The following INPP5A variants were observed in gnomAD, a reference collection of about 807,000 sequenced individuals.
INPP5A encodes the protein inositol polyphosphate-5-phosphatase A.
INPP5A carries 14 observed loss-of-function variants against 65.2 expected under a neutral mutation model. That is an observed-to-expected ratio of 0.21 (90% confidence interval 0.14 to 0.34). The LOEUF (loss-of-function observed/expected upper bound fraction) is 0.34. Ranked by LOEUF, INPP5A falls within the 10% of genes least tolerant of loss-of-function variation. The probability of loss-of-function intolerance (pLI) is 1.00; values close to 1 mark genes in which losing one functional copy is unlikely to be tolerated. For synonymous variants in INPP5A, 207 were observed against 208.3 expected, an observed-to-expected ratio of 0.99 and a Z score of 0.05; for missense variants, 431 against 545.6, an observed-to-expected ratio of 0.79 and a Z score of 2.09.
At chr10:132,748,416 C>T (rs1415020081) in intron 9 of INPP5A, among the ~76,000 whole-genome samples, 1 of 152,206 alleles carries the variant, frequency 6.6e-6, no homozygotes, top group Non-Finnish European at 1.5e-5. Flanking sequence ...TCACACTTCC[C>T]TTGTTCGGTG....
At position 132,549,772 on chromosome 10, in the gene INPP5A, C is replaced by T. The variant is rs1487853859; in HGVS notation, c.75+11601C>T. Among the ~76,000 whole-genome samples, 2 of 152,254 alleles carry T rather than the reference C, an allele frequency of 1.3e-5. No individual in the cohort carries two copies. The highest frequency in any genetic ancestry group is 1.5e-5 in the Non-Finnish European group (1 of 68,050). ...CCTGGGTTCCTGCAGCCCCCACTCT[C>T]TGCCCCTGGTCTGAATGGTGGGGTT... On this transcript the variant is annotated intron_variant, in intron 1 of 15. Transcript: ENST00000368594. The surrounding 1 kb of genome is among the most constrained non-coding windows in gnomAD (Gnocchi z 4.9).
At chr10:132,581,288 G>C (rs1039415839) in intron 1 of INPP5A, among the ~76,000 whole-genome samples, 2 of 152,128 alleles carry the variant, frequency 1.3e-5, no homozygotes, top group Non-Finnish European at 2.9e-5. Flanking sequence ...GGAGTTTCCT[G>C]TCCGGCCTCA....
intron 13 of INPP5A, 34 bp downstream of exon 13, chr10:132,777,816 G>A (rs772317369): frequency 6.2e-7 from 1 of 1,605,636 alleles, no homozygotes; most frequent in South Asian, 1.1e-5. Flanking sequence ...TGGGCACAGA[G>A]GGATGTGGAG....
intron 11 of INPP5A, among the ~76,000 whole-genome samples, chr10:132,758,118 G>A (rs1389360222): frequency 6.2e-5 from 8 of 129,350 alleles, no homozygotes; most frequent in African/African-American, 2.4e-4. Context: ...TGGGTCCCCG[G>A]CCGACCCCAC....
intron 12 of INPP5A, among the ~76,000 whole-genome samples, chr10:132,769,669 G>C (rs945280359): frequency 3.9e-5 from 6 of 152,212 alleles, no homozygotes; most frequent in African/African-American, 9.7e-5. Flanking sequence ...TCAGCCCTTA[G>C]TGGTGAGCAG....
Position 132,675,174 on chromosome 10 carries a change from A to G in INPP5A, c.307-15218A>G, listed in dbSNP as rs922917309. Among the ~76,000 whole-genome samples, 2 of 152,156 alleles carry G rather than the reference A, an allele frequency of 1.3e-5. No individual in the cohort carries two copies. Among genetic ancestry groups the G allele is most frequent in the African/African-American group, 4.8e-5 (2 of 41,412 alleles). On this transcript the variant is annotated intron_variant, in intron 4 of 15. Transcript: ENST00000368594. This position sits in a 1 kb window ranked among gnomAD's most constrained non-coding sequence, Gnocchi z 4.2. ...ATAACAAATCAAGAAAACCATAGAG[A>G]GCATAGGGGTGTGCCGCAGTCACAC...
intron 1 of INPP5A, among the ~76,000 whole-genome samples, chr10:132,572,249 T>G (rs1200427311): frequency 5.3e-5 from 8 of 152,188 alleles, no homozygotes; most frequent in Non-Finnish European, 8.8e-5. Flanking sequence ...GGGGGGGCCT[T>G]CAGAAGAATG....
chr10:132,553,234 A>C (rs1262780903), intron 1 of INPP5A, among the ~76,000 whole-genome samples: 4 of 83,832 alleles, frequency 4.8e-5, no homozygotes, highest in Admixed American at 3.3e-4. Flanking sequence ...GCCTTGGTGG[A>C]ATATTGGGTA....
chr10:132,683,715 T>C (rs552152880), intron 4 of INPP5A, among the ~76,000 whole-genome samples: 2 of 147,936 alleles, frequency 1.4e-5, no homozygotes, highest in East Asian at 3.9e-4. Context: ...ACAGGGTTTT[T>C]TGTTTGTTTG....
intron 4 of INPP5A, among the ~76,000 whole-genome samples, chr10:132,683,431 G>T (rs1056357006): frequency 6.6e-6 from 1 of 152,166 alleles, no homozygotes; most frequent in Admixed American, 6.5e-5. Context: ...TGTCTGCGGT[G>T]ACACAGCAAG....
chr10:132,725,134 G>A (rs1845963546), intron 8 of INPP5A, among the ~76,000 whole-genome samples: 1 of 152,270 alleles, frequency 6.6e-6, no homozygotes, highest in Non-Finnish European at 1.5e-5. Context: ...AAAGAGAACA[G>A]CAGGCTGTGA....
rs1164934586 is a variant in INPP5A at position 132,678,826 on chromosome 10, CT to C, written c.307-11565del. Among the ~76,000 whole-genome samples the C allele has an allele frequency of 6.6e-6, 1 of 152,204 alleles. No individual in the cohort carries two copies. Among genetic ancestry groups the C allele is most frequent in the Non-Finnish European group, 1.5e-5 (1 of 68,040 alleles). The stretch of plus-strand genomic sequence containing the variant: ...TGCCCAGAGTAGCCAATCAAGAGGG[CT>C]GCTTGGAGGAGGCTGCATTTCCACA... On this transcript the variant is annotated intron_variant, in intron 4 of 15. Transcript: ENST00000368594. The surrounding 1 kb of genome is among the most constrained non-coding windows in gnomAD (Gnocchi z 4.1).
rs1421734607 is a variant in INPP5A at position 132,659,656 on chromosome 10, G to T, written c.306+9151G>T. 6.6e-6 allele frequency among the ~76,000 whole-genome samples: 1 copy of T among 152,208 alleles called. No homozygotes were observed. The highest frequency in any genetic ancestry group is 2.4e-5 in the African/African-American group (1 of 41,454). Reference sequence around the variant, plus strand: ...CACACCCACCGTCCCCTGCAGAGGAGACCTCTGCACGCAGGCCCACAGCAA... The same window carrying T: ...CACACCCACCGTCCCCTGCAGAGGATACCTCTGCACGCAGGCCCACAGCAA... On this transcript the variant is annotated intron_variant, in intron 4 of 15. Transcript: ENST00000368594. The surrounding 1 kb of genome is among the most constrained non-coding windows in gnomAD (Gnocchi z 5.5).
At chr10:132,694,188 T>C (rs1222083245) in intron 5 of INPP5A, among the ~76,000 whole-genome samples, 2 of 152,192 alleles carry the variant, frequency 1.3e-5, no homozygotes, top group African/African-American at 4.8e-5. Flanking sequence ...GCTCATAGAT[T>C]ACAATGGAAT....
intron 9 of INPP5A, among the ~76,000 whole-genome samples, chr10:132,731,684 C>T (rs761830228): frequency 2.6e-5 from 4 of 152,174 alleles, no homozygotes; most frequent in African/African-American, 4.8e-5. Flanking sequence ...TCCAGCCCCG[C>T]GATCAGCTTG....
intron 1 of INPP5A, among the ~76,000 whole-genome samples, chr10:132,591,732 GC>G (rs1204337731): frequency 6.6e-6 from 1 of 152,142 alleles, no homozygotes; most frequent in Admixed American, 6.5e-5. Flanking sequence ...CTGCTTCTCT[GC>G]CCCTCCAGGT....
At position 132,704,264 on chromosome 10, in the gene INPP5A, G is replaced by C. The variant is rs983877143; in HGVS notation, c.475-4049G>C. Among the ~76,000 whole-genome samples the C allele has an allele frequency of 6.6e-6, 1 of 152,200 alleles. No individual in the cohort carries two copies. The highest frequency in any genetic ancestry group is 2.4e-5 in the African/African-American group (1 of 41,448). Reference sequence around the variant, plus strand: ...AGACGCCTGCCTCCCACTGTCACTAGTAGAGGGGCCTCACCCAGTTACTGT... The same window carrying C: ...AGACGCCTGCCTCCCACTGTCACTACTAGAGGGGCCTCACCCAGTTACTGT... On this transcript the variant is annotated intron_variant, in intron 6 of 15. Transcript: ENST00000368594. This position sits in a 1 kb window ranked among gnomAD's most constrained non-coding sequence, Gnocchi z 4.5.
At chr10:132,653,480 G>T (rs1202763497) in intron 4 of INPP5A, among the ~76,000 whole-genome samples, 4 of 152,130 alleles carry the variant, frequency 2.6e-5, no homozygotes, top group Non-Finnish European at 4.4e-5. Context: ...ACGAGCTCTG[G>T]GGTTGTTCTC....
chr10:132,637,857 T>C lies in INPP5A; in HGVS notation c.118-8011T>C, dbSNP rs965131915. On this transcript the variant is annotated intron_variant, in intron 2 of 15. Transcript: ENST00000368594. The surrounding 1 kb of genome is among the most constrained non-coding windows in gnomAD (Gnocchi z 4.1). ...GTCCTGTTCTGCCTCACGGTCGTTT[T>C]CCTCAGGTCGGGCACGTTTTCCTCA... 1.4e-4 allele frequency among the ~76,000 whole-genome samples: 21 copies of C among 152,238 alleles called. No homozygotes were observed. The highest frequency in any genetic ancestry group is 2.9e-5 in the Non-Finnish European group (2 of 68,044).
Sources: allele counts gnomAD v4.1 joint callset (sites outside exome capture counted in the v4.1 genomes callset), GRCh38; gene constraint gnomAD v4.1.1; non-coding constraint Gnocchi (gnomAD v3.1); transcripts MANE v1.5; gene names NCBI Gene and HGNC (gene_info 2026-07-23, HGNC 2026-07-21).